Variants in SERGEF observed in about 807,000 individuals in gnomAD.
SERGEF encodes the protein secretion regulating guanine nucleotide exchange factor.
Under a neutral mutation model 50.0 loss-of-function variants are expected in SERGEF, and 51 were observed. That is an observed-to-expected ratio of 1.02 (90% confidence interval 0.81 to 1.29). SERGEF has a LOEUF of 1.29. Ranked by LOEUF, SERGEF falls within the 50% of genes most tolerant of loss-of-function variation. SERGEF has a pLI of 0.00. For synonymous variants in SERGEF, 205 were observed against 212.4 expected (o/e 0.97, Z 0.30); for missense variants, 521 against 557.0 (o/e 0.94, Z 0.65).
chr11:17,857,245 T>C (rs1479385787), intron 10 of SERGEF, among the ~76,000 whole-genome samples: 2 of 152,228 alleles, frequency 1.3e-5, no homozygotes, highest in African/African-American at 4.8e-5. Flanking sequence ...GCCCATAACT[T>C]GCTGTGTGAC....
chr11:17,837,247 G>C (rs1379473912), intron 10 of SERGEF, among the ~76,000 whole-genome samples: 1 of 151,988 alleles, frequency 6.6e-6, no homozygotes, highest in Non-Finnish European at 1.5e-5. Context: ...TTACTATTTT[G>C]TCTAACACAG....
chr11:17,860,666 T>G lies in SERGEF; in HGVS notation c.1048+17542A>C, dbSNP rs117518569. ...TTGTAATAAACAAAAGGTAATCTAA[T>G]TTAAGAGTGCATGCTCCAGAATCAG... On this transcript the variant is annotated intron_variant, in intron 10 of 10. Transcript: ENST00000265965. 2.0e-3 allele frequency among the ~76,000 whole-genome samples: 301 copies of G among 152,340 alleles called. 2 individuals carry two copies. Among genetic ancestry groups the G allele is most frequent in the Middle Eastern group, 3.4e-3 (1 of 294 alleles).
chr11:17,817,008 G>A (rs914637648), intron 10 of SERGEF, among the ~76,000 whole-genome samples: 2 of 152,162 alleles, frequency 1.3e-5, no homozygotes, highest in East Asian at 1.9e-4. Flanking sequence ...CAGGCACATT[G>A]TCTCTGTATC....
chr11:17,988,752 G>T lies in SERGEF; in HGVS notation c.689C>A (p.Ala230Glu). 1.2e-6 allele frequency: 2 copies of T among 1,613,486 alleles called. No individual in the cohort carries two copies. The highest frequency in any genetic ancestry group is 1.7e-6 in the Non-Finnish European group (2 of 1,179,644). Residue 230 changes from alanine (A) to glutamate (E), a missense_variant, in exon 8 of 11, where the codon GCA becomes GAA. By Grantham distance (107) the Ala-to-Glu change is moderately radical (BLOSUM62 -1). Coordinates refer to ENST00000265965, the MANE Select transcript of SERGEF (RefSeq NM_012139.4). ...GCTTCCCCAAACATACACCTCTCCTGCATCTTAAACAAACAGAAGGGTAAC... is the reference window on the plus strand; with the variant it reads ...GCTTCCCCAAACATACACCTCTCCTTCATCTTAAACAAACAGAAGGGTAAC... ...GSDHSASLTDAGEVYVWGSNK... is the reference protein window; with the variant it reads ...GSDHSASLTDEGEVYVWGSNK...
chr11:17,838,749 C>T (rs571454214), intron 10 of SERGEF, among the ~76,000 whole-genome samples: 141 of 152,250 alleles, frequency 9.3e-4, no homozygotes, highest in African/African-American at 3.2e-3. Flanking sequence ...GCACCTACTA[C>T]CATGCCAGGT....
chr11:17,868,808 T>C (rs568778620), intron 10 of SERGEF, among the ~76,000 whole-genome samples: 1 of 152,240 alleles, frequency 6.6e-6, no homozygotes, highest in East Asian at 1.9e-4. Flanking sequence ...AAGAGAGAGC[T>C]TGTGCAGGGA....
intron 9 of SERGEF, among the ~76,000 whole-genome samples, chr11:17,923,491 A>G (rs1852196168): frequency 6.6e-6 from 1 of 152,004 alleles, no homozygotes; most frequent in Non-Finnish European, 1.5e-5. Flanking sequence ...ATCTCCAGAG[A>G]CTCCTGGTAC....
chr11:17,964,468 G>C (rs1853077830), intron 8 of SERGEF, among the ~76,000 whole-genome samples: 1 of 152,178 alleles, frequency 6.6e-6, no homozygotes, highest in African/African-American at 2.4e-5. Context: ...AGTCCTATAG[G>C]TGATAGAAAG....
chr11:17,855,964 A>C (rs953882279), intron 10 of SERGEF: 3 of 152,176 alleles, frequency 2.0e-5, no homozygotes, highest in African/African-American at 7.2e-5. Context: ...TATAAACCCA[A>C]CATTCCCAAG....
chr11:17,880,483 T>G (rs1435192053), intron 9 of SERGEF, among the ~76,000 whole-genome samples: 1 of 152,182 alleles, frequency 6.6e-6, no homozygotes, highest in Non-Finnish European at 1.5e-5. Flanking sequence ...TAGGAAAATA[T>G]TCATGATATG....
intron 10 of SERGEF, among the ~76,000 whole-genome samples, chr11:17,865,109 T>C (rs1850997419): frequency 6.6e-6 from 1 of 152,186 alleles, no homozygotes; most frequent in African/African-American, 2.4e-5. Context: ...CTGGACCATA[T>C]ATACAATGGT....
intron 9 of SERGEF, among the ~76,000 whole-genome samples, chr11:17,899,083 T>C (rs192839918): frequency 6.6e-6 from 1 of 152,328 alleles, no homozygotes; most frequent in East Asian, 1.9e-4. Flanking sequence ...GATTGTAAGT[T>C]TCCTCAGGCC....
intron 8 of SERGEF, among the ~76,000 whole-genome samples, chr11:17,976,572 T>C (rs929945588): frequency 3.3e-5 from 5 of 151,064 alleles, no homozygotes; most frequent in Non-Finnish European, 5.9e-5. Context: ...AGTGCTGGGA[T>C]TACATGAGTG....
chr11:17,937,826 G>A (rs1852483889), intron 9 of SERGEF, among the ~76,000 whole-genome samples: 3 of 152,134 alleles, frequency 2.0e-5, no homozygotes, highest in Non-Finnish European at 4.4e-5. Context: ...CATGGCCCCT[G>A]ATTAGGTTAG....
intron 10 of SERGEF, among the ~76,000 whole-genome samples, chr11:17,846,117 C>T (rs541441930): frequency 6.6e-6 from 1 of 152,298 alleles, no homozygotes; most frequent in African/African-American, 2.4e-5. Flanking sequence ...GCTGGGGAGA[C>T]AGAACAGAGC....
At chr11:17,963,379 AAAAAAAAAAAAAAAAAT>A (rs1227670687) in intron 8 of SERGEF, among the ~76,000 whole-genome samples, 2 of 146,970 alleles carry the variant, frequency 1.4e-5, no homozygotes, top group Non-Finnish European at 3.0e-5. Flanking sequence ...AAAAAAAAAA[AAAAAAAAAAAAAAAAAT>A]TTTTTTTTTG....
At chr11:17,924,171 G>T (rs938308594) in intron 9 of SERGEF, among the ~76,000 whole-genome samples, 2 of 152,210 alleles carry the variant, frequency 1.3e-5, no homozygotes, top group African/African-American at 4.8e-5. Flanking sequence ...GAGGTAAGAG[G>T]GAGAGAAAAA....
chr11:17,859,653 C>T (rs185405762), intron 10 of SERGEF, among the ~76,000 whole-genome samples: 200 of 151,872 alleles, frequency 1.3e-3, no homozygotes, highest in African/African-American at 4.7e-3. Flanking sequence ...TTTCAAAACA[C>T]TGAAGTAAAG....
At chr11:17,886,702 G>A (rs1249908987) in intron 9 of SERGEF, among the ~76,000 whole-genome samples, 1 of 152,152 alleles carries the variant, frequency 6.6e-6, no homozygotes, top group Admixed American at 6.5e-5. Context: ...CAGATAAGGA[G>A]AGGGCTTGAG....
Sources: gnomAD v4.1 joint callset for allele counts (sites outside exome capture counted in the v4.1 genomes callset) on GRCh38, gnomAD v4.1.1 for gene constraint, MANE v1.5 for transcripts, NCBI Gene and HGNC (gene_info 2026-07-23, HGNC 2026-07-21) for gene names.